PUS10: variants seen among roughly 807,000 people sequenced by gnomAD.
PUS10 encodes tRNA pseudouridine synthase Pus10.
PUS10 carries 59 observed loss-of-function variants against 75.0 expected under a neutral mutation model. The observed-to-expected ratio is 0.79, with a 90% CI of 0.64 to 0.98. The LOEUF is 0.98. Ranked by LOEUF, PUS10 falls within the 50% of genes least tolerant of loss-of-function variation. The pLI, the probability that PUS10 is intolerant of heterozygous loss-of-function variation, is 0.00. For missense variants in PUS10, 650 were observed against 614.4 expected (o/e 1.06, Z -0.61); for synonymous variants, 219 against 211.6 (o/e 1.03, Z -0.30).
intron 4 of PUS10, among the ~76,000 whole-genome samples, chr2:61,001,464 A>T (rs1678853954): frequency 6.6e-6 from 1 of 152,048 alleles, no homozygotes; most frequent in Non-Finnish European, 1.5e-5. Flanking sequence ...TTTAGTAGAG[A>T]CGGGATTTTA....
chr2:61,003,647 C>T (rs1006095077), intron 4 of PUS10, among the ~76,000 whole-genome samples: 1 of 150,730 alleles, frequency 6.6e-6, no homozygotes, highest in Non-Finnish European at 1.5e-5. Flanking sequence ...CAGGTCCAAG[C>T]AATCCCCCCA....
intron 5 of PUS10, among the ~76,000 whole-genome samples, chr2:60,968,124 T>C (rs1407397662): frequency 1.3e-5 from 2 of 152,164 alleles, no homozygotes; most frequent in Non-Finnish European, 2.9e-5. Context: ...TCCTAAAGTA[T>C]CAATGTTCTG....
intron 4 of PUS10, among the ~76,000 whole-genome samples, chr2:61,003,542 T>C (rs1292986421): frequency 6.6e-6 from 1 of 151,884 alleles, no homozygotes; most frequent in African/African-American, 2.4e-5. Flanking sequence ...CAAATTTTAT[T>C]GCTTAATTTT....
chr2:60,969,914 C>A (rs2104404030), intron 5 of PUS10, among the ~76,000 whole-genome samples: 1 of 152,030 alleles, frequency 6.6e-6, no homozygotes, highest in South Asian at 2.1e-4. Context: ...ATGGTGAAAC[C>A]CTGTGTCTAC....
intron 17 of PUS10, among the ~76,000 whole-genome samples, chr2:60,943,023 CCTAT>C (rs761380701): frequency 1.9e-4 from 27 of 141,216 alleles, no homozygotes; most frequent in Non-Finnish European, 3.2e-4. Flanking sequence ...AGAATGAGAC[CCTAT>C]CTATCTCAGA....
At chr2:60,945,699 T>C (rs1351973636) in intron 16 of PUS10, among the ~76,000 whole-genome samples, 2 of 152,098 alleles carry the variant, frequency 1.3e-5, no homozygotes, top group African/African-American at 2.4e-5. Flanking sequence ...GTTAATTCTC[T>C]CTCTCTTTCT....
rs540198659 is a variant in PUS10 at position 60,972,267 on chromosome 2, T to G, written c.469-710A>C. Among the ~76,000 whole-genome samples the G allele has an allele frequency of 6.1e-5, 9 of 147,846 alleles. No homozygotes were observed. In the South Asian group the frequency reaches 1.7e-3, roughly 29 times the overall value. Reference sequence around the variant, plus strand: ...TCACGACGTCAGGAGATCGAGACCATCCTGGCTAACACGGTGAAACCCCGT... The same window carrying G: ...TCACGACGTCAGGAGATCGAGACCAGCCTGGCTAACACGGTGAAACCCCGT... On this transcript the variant is annotated intron_variant, in intron 4 of 17. Coordinates refer to ENST00000316752, the MANE Select transcript of PUS10 (RefSeq NM_144709.4).
intron 4 of PUS10, among the ~76,000 whole-genome samples, chr2:60,989,469 G>A (rs1450680923): frequency 6.6e-6 from 1 of 152,108 alleles, no homozygotes; most frequent in African/African-American, 2.4e-5. Flanking sequence ...ATAACCCCAG[G>A]CCCCACCCGT....
At position 60,965,444 on chromosome 2, in the gene PUS10, G is replaced by A; in HGVS notation, c.656C>T (p.Thr219Ile). The A allele has an allele frequency of 6.2e-7, 1 of 1,611,534 alleles. No individual in the cohort carries two copies. The stretch of plus-strand genomic sequence containing the variant: ...TTACAGGAAGTGGCAATCCTCAACT[G>A]TTTCTGGGTGAGCAAAGACCACACT... ...EVSVVFAHPETVEDCHFLAAI... is the reference protein window; with the variant it reads ...EVSVVFAHPEIVEDCHFLAAI... The change falls in exon 7 of 18, where the codon ACA becomes ATA. Residue 219 changes from threonine to isoleucine, a missense_variant. By Grantham distance (89) the Thr-to-Ile change is moderately conservative (BLOSUM62 -1). Transcript: ENST00000316752.
intron 4 of PUS10, among the ~76,000 whole-genome samples, chr2:60,974,923 G>A (rs1193613145): frequency 2.0e-5 from 3 of 152,218 alleles, no homozygotes; most frequent in Non-Finnish European, 4.4e-5. Context: ...GAAAAACTCG[G>A]GCAAAGACGC....
rs995053328 is a variant in PUS10, at chr2:61,018,110, G to C, written c.-118C>G. The C allele has an allele frequency of 7.8e-6, 12 of 1,546,194 alleles. No homozygotes were observed. Among genetic ancestry groups the C allele is most frequent in the Non-Finnish European group, 9.6e-6 (11 of 1,145,204 alleles). Reference sequence around the variant, plus strand: ...GGCGTCTCTCTGGGTCTCTGTGCTTGAAAGAAAGGGGGGCGGCTTCCTACC... The same window carrying C: ...GGCGTCTCTCTGGGTCTCTGTGCTTCAAAGAAAGGGGGGCGGCTTCCTACC... On this transcript the variant is annotated 5_prime_UTR_variant, in exon 1 of 18. Coordinates refer to ENST00000316752, the MANE Select transcript of PUS10 (RefSeq NM_144709.4).
Position 60,945,019 on chromosome 2 carries a change from A to C in PUS10, c.1541T>G (p.Leu514Arg). 1.2e-6 allele frequency: 2 copies of C among 1,612,768 alleles called. No individual in the cohort carries two copies. Among genetic ancestry groups the C allele is most frequent in the Non-Finnish European group, 1.7e-6 (2 of 1,178,764 alleles). The change falls in exon 17 of 18, where the codon CTG becomes CGG. Residue 514 changes from leucine to arginine, a missense_variant. Physicochemically the swap from Leu to Arg is moderately radical, Grantham distance 102 (BLOSUM62 -2). Transcript: ENST00000316752. ...LMNVTADILE[L>R]DVESVDVDWP... ...AACAAAATGGTTTACCTCAACATCC[A>C]GCTCCAGAATGTCTGCAGTCACATT...
intron 14 of PUS10, 107 bp downstream of exon 14, chr2:60,953,826 G>A (rs1675486648): frequency 1.2e-6 from 1 of 805,418 alleles, no homozygotes; most frequent in South Asian, 1.5e-5. Flanking sequence ...TTGTAGTTGT[G>A]TTGTTAAGAG....
chr2:60,944,840 A>T (rs1038076654), intron 17 of PUS10, among the ~76,000 whole-genome samples, 169 bp downstream of exon 17: 6 of 152,186 alleles, frequency 3.9e-5, no homozygotes, highest in Non-Finnish European at 7.3e-5. Flanking sequence ...CTCATATTAA[A>T]AAAAAAAATC....
At position 61,018,028 on chromosome 2, in the gene PUS10, C is replaced by G; in HGVS notation, c.-36G>C. On this transcript the variant is annotated 5_prime_UTR_variant, in exon 1 of 18. Coordinates refer to ENST00000316752, the MANE Select transcript of PUS10 (RefSeq NM_144709.4). ...CTTACCAGTGGGGACTTTAGTGTCT[C>G]ACAGCTGTTTCTGACCCGGCAGCTC... 7.1e-6 allele frequency: 10 copies of G among 1,415,832 alleles called. No individual in the cohort carries two copies. Among genetic ancestry groups the G allele is most frequent in the Non-Finnish European group, 9.4e-6 (10 of 1,060,704 alleles). The allele number at this position is 1,415,832 out of a possible 1,614,324, so 87.7% of individuals were successfully genotyped here.
At chr2:60,971,432 TA>T in intron 5 of PUS10, 90 bp downstream of exon 5, 2 of 1,164,406 alleles carry the variant, frequency 1.7e-6, no homozygotes, top group Non-Finnish European at 2.6e-6. Flanking sequence ...GAATGCACTA[TA>T]AAAATAGAGA....
intron 8 of PUS10, among the ~76,000 whole-genome samples, chr2:60,963,962 G>A (rs1049155930): frequency 2.0e-5 from 3 of 152,188 alleles, no homozygotes; most frequent in African/African-American, 7.2e-5. Context: ...CATCTTACAG[G>A]TTATTTGGGC....
intron 4 of PUS10, among the ~76,000 whole-genome samples, chr2:61,004,628 CAAAAAAA>C (rs70959883): frequency 1.2e-4 from 8 of 67,290 alleles, no homozygotes; most frequent in East Asian, 9.0e-4. Flanking sequence ...GACTCCGTCT[CAAAAAAA>C]AAAAAAAAAA....
intron 4 of PUS10, among the ~76,000 whole-genome samples, chr2:61,005,515 T>A (rs1363572886): frequency 6.6e-6 from 1 of 152,214 alleles, no homozygotes; most frequent in Non-Finnish European, 1.5e-5. Flanking sequence ...ATACTTCTTA[T>A]TCCTATTTGT....
Sources: gnomAD v4.1 joint callset for allele counts (sites outside exome capture counted in the v4.1 genomes callset) on GRCh38, gnomAD v4.1.1 for gene constraint, MANE v1.5 for transcripts, NCBI Gene and HGNC (gene_info 2026-07-23, HGNC 2026-07-21) for gene names.